The following TMEM74 variants were observed in gnomAD, a reference collection of about 807,000 sequenced individuals.
TMEM74 encodes transmembrane protein 74.
A neutral mutation model predicts 18.1 loss-of-function variants in TMEM74; 13 were observed. The ratio of observed to expected loss-of-function variants is 0.72; its 90% CI spans 0.47 to 1.14. The LOEUF is 1.14. Ranked by LOEUF, TMEM74 falls within the 50% of genes most tolerant of loss-of-function variation. The pLI, the probability that TMEM74 is intolerant of heterozygous loss-of-function variation, is 0.00. For missense variants in TMEM74, 372 were observed against 375.9 expected (o/e 0.99, Z 0.09); for synonymous variants, 159 against 146.6 (o/e 1.08, Z -0.61).
rs1346569200 is a variant in TMEM74 at position 108,781,020 on chromosome 8, A to G, written c.*3161T>C. Among the ~76,000 whole-genome samples the G allele has an allele frequency of 2.0e-5, 3 of 152,088 alleles. No individual in the cohort carries two copies. The highest frequency in any genetic ancestry group is 7.2e-5 in the African/African-American group (3 of 41,420). Reference sequence around the variant, plus strand: ...TAAATCATCCACCAGCAGCGTGTAGATCCCAGTAATAAAGGAGAAAGACAG... The same window carrying G: ...TAAATCATCCACCAGCAGCGTGTAGGTCCCAGTAATAAAGGAGAAAGACAG... On this transcript the variant is annotated 3_prime_UTR_variant, in exon 2 of 2. Transcript: ENST00000297459.
chr8:108,774,296 C>T (rs1438868183), downstream of TMEM74, among the ~76,000 whole-genome samples: 1 of 152,164 alleles, frequency 6.6e-6, no homozygotes, highest in Non-Finnish European at 1.5e-5. Flanking sequence ...AAATGCTAAC[C>T]AACTGGACTG....
In TMEM74 at chr8:108,779,862, C is replaced by T. The variant is rs564784163; in HGVS notation, c.*4319G>A. Among the ~76,000 whole-genome samples the T allele has an allele frequency of 1.3e-5, 2 of 152,222 alleles. No individual in the cohort carries two copies. Among genetic ancestry groups the T allele is most frequent in the Admixed American group, 6.5e-5 (1 of 15,284 alleles). On this transcript the variant is annotated 3_prime_UTR_variant, in exon 2 of 2. Transcript: ENST00000297459. ...AATTAGTTTTATGTGTTTAAAATAA[C>T]GTCTTGCTTTTTACAGTGTCAATTC...
intron 1 of TMEM74, among the ~76,000 whole-genome samples, chr8:108,766,048 C>T (rs1456045760): frequency 6.6e-6 from 1 of 152,130 alleles, no homozygotes; most frequent in Admixed American, 6.5e-5. Flanking sequence ...AAAATACTTG[C>T]ATTTACTGGT....
At position 108,784,800 on chromosome 8, in the gene TMEM74, C is replaced by T. The variant is rs187080695; in HGVS notation, c.299G>A (p.Cys100Tyr). 2 of 1,614,222 alleles carry T rather than the reference C, an allele frequency of 1.2e-6. No individual in the cohort carries two copies. Among genetic ancestry groups the T allele is most frequent in the African/African-American group, 2.7e-5 (2 of 75,058 alleles). The part of the protein sequence containing the change: ...NNQITAERKV[C>Y]NCCSQELETS... ...TTCTAATTCCTGGCTGCAGCAGTTACAGACTTTCCGTTCCGCTGTTATTTG... is the reference window on the plus strand; with the variant it reads ...TTCTAATTCCTGGCTGCAGCAGTTATAGACTTTCCGTTCCGCTGTTATTTG... Residue 100 changes from cysteine (C) to tyrosine (Y), a missense_variant, in exon 2 of 2, where the codon TGT becomes TAT. Cys to Tyr is a radical substitution (Grantham distance 194). Coordinates refer to ENST00000297459, the MANE Select transcript of TMEM74 (RefSeq NM_153015.3).
Position 108,699,145 on chromosome 8 carries a change from T to TTTCCTTCCTTCCTTCC in TMEM74, n.120-43724_120-43709dup, listed in dbSNP as rs150848011. On this transcript the variant is annotated intron_variant and non_coding_transcript_variant, in intron 1 of 3. Transcript: ENST00000518838. ...TTGTACCCTTCCCTCCCCTCCCTCT[T>TTTCCTTCCTTCCTTCC]TTCCTTCCTTCCTTCCTTCCTTCCT... 7.6e-4 allele frequency among the ~76,000 whole-genome samples: 52 copies of TTTCCTTCCTTCCTTCC among 68,768 alleles called. 1 individual carries two copies. The highest frequency in any genetic ancestry group is 2.0e-3 in the African/African-American group (32 of 15,886). The allele number at this position is 68,768 out of a possible 152,430, so 45.1% of individuals were successfully genotyped here.
At chr8:108,664,768 T>G (rs937090395) in intron 1 of TMEM74, among the ~76,000 whole-genome samples, 1 of 151,970 alleles carries the variant, frequency 6.6e-6, no homozygotes, top group Non-Finnish European at 1.5e-5. Context: ...AAGAAACAAG[T>G]AGAGGATGTT....
intron 3 of TMEM74, among the ~76,000 whole-genome samples, chr8:108,608,242 C>A (rs1257559572): frequency 7.0e-6 from 1 of 143,116 alleles, no homozygotes; most frequent in Non-Finnish European, 1.5e-5. Context: ...ACGGAGGCAG[C>A]AGTGAGCCGA....
chr8:108,614,798 T>C (rs1812367678), intron 2 of TMEM74, among the ~76,000 whole-genome samples: 2 of 152,172 alleles, frequency 1.3e-5, no homozygotes, highest in African/African-American at 4.8e-5. Context: ...ATGTGATTCA[T>C]AGAAGAGCCT....
rs533277912 is a variant in TMEM74 at position 108,694,153 on chromosome 8, G to A, written n.120-38716C>T. ...TCATCAAGTAATTAAAGTGAAACTC[G>A]TGTCATGTGAAATTGACCACTTTAA... On this transcript the variant is annotated intron_variant and non_coding_transcript_variant, in intron 1 of 3. Transcript: ENST00000518838. Among the ~76,000 whole-genome samples, 8 of 152,290 alleles carry A rather than the reference G, an allele frequency of 5.3e-5. No individual in the cohort carries two copies. In the South Asian group the frequency reaches 8.3e-4, roughly 16 times the overall value.
intron 1 of TMEM74, among the ~76,000 whole-genome samples, chr8:108,731,235 C>T (rs1356838816): frequency 6.6e-6 from 1 of 151,498 alleles, no homozygotes; most frequent in African/African-American, 2.4e-5. Context: ...CCCCCCATCC[C>T]CCCCAAAAAA....
chr8:108,735,996 TC>T (rs1231152889), intron 1 of TMEM74, among the ~76,000 whole-genome samples: 6 of 152,154 alleles, frequency 3.9e-5, no homozygotes, highest in Non-Finnish European at 8.8e-5. Context: ...CTTTTTTTTT[TC>T]TGTTGTTGCA....
At chr8:108,618,753 T>A (rs916095369) in intron 2 of TMEM74, among the ~76,000 whole-genome samples, 3 of 152,204 alleles carry the variant, frequency 2.0e-5, no homozygotes, top group Non-Finnish European at 4.4e-5. Context: ...ATGTTTAGTA[T>A]GTTTTATTAA....
intron 1 of TMEM74, among the ~76,000 whole-genome samples, chr8:108,724,952 TC>T (rs1813620836): frequency 1.3e-5 from 2 of 152,200 alleles, no homozygotes; most frequent in South Asian, 4.1e-4. Context: ...CAACCTCTTT[TC>T]TTCAGCCTCT....
intron 1 of TMEM74, among the ~76,000 whole-genome samples, chr8:108,735,932 C>A (rs950484660): frequency 2.0e-5 from 3 of 152,076 alleles, no homozygotes; most frequent in African/African-American, 7.2e-5. Context: ...GCCTACATAC[C>A]CCATGGCTTA....
intron 1 of TMEM74, among the ~76,000 whole-genome samples, chr8:108,679,775 G>T (rs958504420): frequency 1.1e-4 from 17 of 152,002 alleles, no homozygotes; most frequent in Admixed American, 2.0e-4. Flanking sequence ...GTCAATTTTG[G>T]CTTTTGTTGC....
At chr8:108,642,585 A>G (rs1365027414) in intron 2 of TMEM74, among the ~76,000 whole-genome samples, 1 of 152,142 alleles carries the variant, frequency 6.6e-6, no homozygotes, top group Non-Finnish European at 1.5e-5. Flanking sequence ...TGTTCAACAA[A>G]TTTGTGTAAT....
chr8:108,756,196 G>GTA (rs1315175149), intron 1 of TMEM74, among the ~76,000 whole-genome samples: 1 of 151,980 alleles, frequency 6.6e-6, no homozygotes, highest in Non-Finnish European at 1.5e-5. Context: ...TCCAGAAATA[G>GTA]TATAAATCCA....
chr8:108,722,807 T>A (rs1813598876), intron 1 of TMEM74, among the ~76,000 whole-genome samples: 1 of 152,202 alleles, frequency 6.6e-6, no homozygotes, highest in Non-Finnish European at 1.5e-5. Flanking sequence ...TTATCTACAC[T>A]AAAATCATTC....
At chr8:108,661,564 A>G (rs1339843418) in intron 1 of TMEM74, among the ~76,000 whole-genome samples, 2 of 151,944 alleles carry the variant, frequency 1.3e-5, no homozygotes, top group Non-Finnish European at 2.9e-5. Flanking sequence ...GTAGATGTTT[A>G]TGGAGCAGCA....
Sources: allele counts gnomAD v4.1 joint callset (sites outside exome capture counted in the v4.1 genomes callset), GRCh38; gene constraint gnomAD v4.1.1; transcripts MANE v1.5; gene names NCBI Gene and HGNC (gene_info 2026-07-23, HGNC 2026-07-21).